The following ACBD6 variants were observed in gnomAD, a reference collection of about 807,000 sequenced individuals.
The protein encoded by ACBD6 is acyl-CoA-binding domain-containing protein 6.
A neutral mutation model predicts 37.2 loss-of-function variants in ACBD6; 28 were observed. The ratio of observed to expected loss-of-function variants is 0.75; its 90% CI spans 0.56 to 1.03. ACBD6 has a LOEUF of 1.03. ACBD6 is among the 50% of genes least tolerant of loss of function. The probability of loss-of-function intolerance (pLI) is 0.00; values close to 1 mark genes in which losing one functional copy is unlikely to be tolerated. For missense variants in ACBD6, 340 were observed against 337.4 expected, an observed-to-expected ratio of 1.01 and a Z score of -0.06; for synonymous variants, 113 against 126.8, an observed-to-expected ratio of 0.89 and a Z score of 0.73.
At chr1:180,333,006 T>C (rs547550612) in intron 6 of ACBD6, among the ~76,000 whole-genome samples, 7 of 152,348 alleles carry the variant, frequency 4.6e-5, no homozygotes, top group African/African-American at 1.4e-4. Context: ...GATCCCTTTA[T>C]AGTAACTCTT....
intron 9 of ACBD6, among the ~76,000 whole-genome samples, chr1:180,280,636 G>A (rs1264554634): frequency 2.6e-5 from 4 of 152,154 alleles, no homozygotes; most frequent in African/African-American, 4.8e-5. Flanking sequence ...ATCATCTCCC[G>A]CGTTAAGTGC....
At chr1:180,460,660 G>A (rs1650111382) in intron 3 of ACBD6, among the ~76,000 whole-genome samples, 1 of 152,188 alleles carries the variant, frequency 6.6e-6, no homozygotes, top group African/African-American at 2.4e-5. Flanking sequence ...GACTGGAGTG[G>A]ATACCTAGCA....
intron 6 of ACBD6, among the ~76,000 whole-genome samples, chr1:180,364,718 C>CT (rs11448396): frequency 0.95 from 143,115 of 150,780 alleles, 67,964 homozygotes; most frequent in East Asian, 0.98. Context: ...ACCAGATGAT[C>CT]TTTAAATTCC....
chr1:180,417,850 T>C (rs992070697), intron 4 of ACBD6, among the ~76,000 whole-genome samples: 2 of 152,204 alleles, frequency 1.3e-5, no homozygotes, highest in Non-Finnish European at 2.9e-5. Flanking sequence ...GTCATACTGC[T>C]AGTGAATATT....
intron 6 of ACBD6, among the ~76,000 whole-genome samples, chr1:180,389,540 T>C (rs1243863619): frequency 1.3e-5 from 2 of 152,234 alleles, no homozygotes; most frequent in Non-Finnish European, 2.9e-5. Context: ...CTGGGTCAAA[T>C]GGTATTTCTA....
chr1:180,336,580 C>T (rs917462354), intron 6 of ACBD6, among the ~76,000 whole-genome samples: 1 of 148,116 alleles, frequency 6.8e-6, no homozygotes. Context: ...AAAATTGACA[C>T]CCTAACATCA....
chr1:180,343,843 T>A (rs1341138928), intron 6 of ACBD6, among the ~76,000 whole-genome samples: 1 of 152,016 alleles, frequency 6.6e-6, no homozygotes, highest in African/African-American at 2.4e-5. Flanking sequence ...CCGAGGCAGG[T>A]GAATCGCTTG....
intron 6 of ACBD6, among the ~76,000 whole-genome samples, chr1:180,334,323 G>C (rs1651614280): frequency 6.6e-6 from 1 of 152,142 alleles, no homozygotes; most frequent in African/African-American, 2.4e-5. Context: ...AAAACTTCCA[G>C]AGGAACGATC....
rs140256118 is a variant in ACBD6, at chr1:180,496,536, T to C, written c.223-1011A>G. 1.2e-4 allele frequency among the ~76,000 whole-genome samples: 19 copies of C among 152,312 alleles called. No homozygotes were observed. In the East Asian group the frequency reaches 3.5e-3, roughly 28 times the overall value. The stretch of plus-strand genomic sequence containing the variant: ...AGGTATTCCTAGTTCAGGGTTTTGC[T>C]TGTTACTCCACTCACCTGAAATGCC... On this transcript the variant is annotated intron_variant, in intron 1 of 7. Coordinates refer to ENST00000367595, the MANE Select transcript of ACBD6 (RefSeq NM_032360.4).
chr1:180,442,832 A>ATT (rs71801015), intron 3 of ACBD6, among the ~76,000 whole-genome samples: 16,302 of 151,994 alleles, frequency 0.11, 1,276 homozygotes, highest in African/African-American at 0.21. Context: ...TGCATCTTCC[A>ATT]TCTCTCTACA....
intron 6 of ACBD6, among the ~76,000 whole-genome samples, chr1:180,346,173 G>C (rs1002049999): frequency 6.6e-6 from 1 of 152,152 alleles, no homozygotes; most frequent in Non-Finnish European, 1.5e-5. Flanking sequence ...AAAAGATCCC[G>C]TACCAAGGAC....
intron 13 of ACBD6, chr1:180,272,067 C>T: frequency 6.7e-7 from 1 of 1,486,622 alleles, no homozygotes. Flanking sequence ...AATCTGTAAT[C>T]CCTGGCACTC....
intron 3 of ACBD6, among the ~76,000 whole-genome samples, chr1:180,465,481 A>G (rs1650312497): frequency 6.6e-6 from 1 of 152,134 alleles, no homozygotes; most frequent in South Asian, 2.1e-4. Flanking sequence ...ACACCAGTCA[A>G]CATGACCATT....
chr1:180,327,040 T>C (rs929411801), intron 6 of ACBD6, among the ~76,000 whole-genome samples: 3 of 152,162 alleles, frequency 2.0e-5, no homozygotes, highest in Admixed American at 2.0e-4. Flanking sequence ...CCCTAGGTCA[T>C]GTGCTGCCCT....
intron 6 of ACBD6, among the ~76,000 whole-genome samples, chr1:180,368,321 A>G (rs769404671): frequency 6.6e-6 from 1 of 152,002 alleles, no homozygotes; most frequent in African/African-American, 2.4e-5. Flanking sequence ...CTCCCATTCT[A>G]TAAGTTGTCT....
intron 3 of ACBD6, among the ~76,000 whole-genome samples, chr1:180,482,124 T>C (rs930670159): frequency 2.6e-5 from 4 of 152,178 alleles, no homozygotes; most frequent in Admixed American, 1.3e-4. Flanking sequence ...AAAACAAATC[T>C]GTTTAGTTAT....
intron 1 of ACBD6, among the ~76,000 whole-genome samples, chr1:180,496,004 A>C (rs1307662517): frequency 6.6e-6 from 1 of 152,186 alleles, no homozygotes; most frequent in Non-Finnish European, 1.5e-5. Flanking sequence ...ACAGTGTACT[A>C]CTTTTAAAGT....
chr1:180,287,980 T>C (rs2149276490), downstream of ACBD6, among the ~76,000 whole-genome samples: 1 of 152,338 alleles, frequency 6.6e-6, no homozygotes, highest in East Asian at 1.9e-4. Flanking sequence ...ATTTGATCTC[T>C]ACCATGTTGG....
chr1:180,450,713 T>C (rs939169157), intron 3 of ACBD6, among the ~76,000 whole-genome samples: 5 of 152,072 alleles, frequency 3.3e-5, no homozygotes, highest in African/African-American at 7.2e-5. Context: ...TGAGCCGAGA[T>C]TGCGCCACTG....
Sources: gnomAD v4.1 joint callset for allele counts (sites outside exome capture counted in the v4.1 genomes callset) on GRCh38, gnomAD v4.1.1 for gene constraint, MANE v1.5 for transcripts, NCBI Gene and HGNC (gene_info 2026-07-23, HGNC 2026-07-21) for gene names.